Variants in MCM10 observed in about 807,000 individuals in gnomAD.
The protein encoded by MCM10 is protein MCM10 homolog.
MCM10 carries 91 observed loss-of-function variants against 109.9 expected under a neutral mutation model. The ratio of observed to expected loss-of-function variants is 0.83; its 90% CI spans 0.70 to 0.99. MCM10 has a LOEUF of 0.99. MCM10 is among the 50% of genes least tolerant of loss of function. The pLI is 0.00. For synonymous variants in MCM10, 380 were observed against 387.2 expected (o/e 0.98, Z 0.22); for missense variants, 1,077 against 1,061.2 (o/e 1.01, Z -0.21).
rs780736533 is a variant in MCM10 at position 13,197,692 on chromosome 10, A to G, written c.2044A>G (p.Lys682Glu). ...LTKTNPNSIK[K>E]KQKDPQDILE... ...AAAAACAAACCCAAACAGCATTAAG[A>G]AGAAACAAAAGGACCCTCAGGACAT... The change falls in exon 15 of 20, where the codon AAG becomes GAG. Residue 682 changes from lysine to glutamate, a missense_variant. Lys to Glu is a moderately conservative substitution (Grantham distance 56). Transcript: ENST00000378714. 6.2e-7 allele frequency: 1 copy of G among 1,614,146 alleles called. No individual in the cohort carries two copies. The highest frequency in any genetic ancestry group is 1.7e-5 in the Admixed American group (1 of 60,014).
intron 14 of MCM10, among the ~76,000 whole-genome samples, chr10:13,196,714 T>C (rs1337172726): frequency 1.3e-5 from 2 of 151,964 alleles, no homozygotes; most frequent in Non-Finnish European, 2.9e-5. Flanking sequence ...GGTTTCACCA[T>C]GTTGGCCAGG....
chr10:13,174,134 ATTTTT>A (rs139116646), intron 5 of MCM10, among the ~76,000 whole-genome samples: 1 of 75,146 alleles, frequency 1.3e-5, no homozygotes. Context: ...CTAGTTTTGG[ATTTTT>A]TTTTTTTTTT....
chr10:13,190,500 A>G (rs1227771976), intron 10 of MCM10, among the ~76,000 whole-genome samples: 1 of 145,080 alleles, frequency 6.9e-6, no homozygotes, highest in East Asian at 2.0e-4. Context: ...CCTGAGCGAC[A>G]TGGCAAAACC....
At chr10:13,166,657 C>CATATATATATATATATATATATAT in intron 2 of MCM10, among the ~76,000 whole-genome samples, 1 of 19,936 alleles carries the variant, frequency 5.0e-5, no homozygotes, top group African/African-American at 1.5e-4. Context: ...AAAATACATA[C>CATATATATATATATATATATATAT]ATACATATAT....
intron 18 of MCM10, among the ~76,000 whole-genome samples, chr10:13,205,142 T>A (rs1834562632): frequency 6.6e-6 from 1 of 151,534 alleles, no homozygotes; most frequent in African/African-American, 2.4e-5. Flanking sequence ...AGTGTAGCCA[T>A]CACCTGAAAT....
chr10:13,189,446 CT>C (rs1834319099), intron 10 of MCM10, among the ~76,000 whole-genome samples: 1 of 152,158 alleles, frequency 6.6e-6, no homozygotes, highest in Non-Finnish European at 1.5e-5. Context: ...CCTCAGCCTC[CT>C]GAGTAGCTGG....
chr10:13,195,262 C>T lies in MCM10; in HGVS notation c.1967C>T (p.Ala656Val). The change falls in exon 14 of 20, where the codon GCC (alanine) becomes GTC (valine). Residue 656 changes from alanine (A) to valine (V), a missense_variant. Physicochemically the swap from Ala to Val is moderately conservative, Grantham distance 64 (BLOSUM62 0). Transcript: ENST00000378714. ...PRPKLSALAE[A>V]KKLAAITKLR... ...CCAAAACTGAGTGCTTTAGCAGAAG[C>T]CAAAAAGGTAACTGGCATCTCTTCT... The T allele has an allele frequency of 6.3e-7, 1 of 1,595,264 alleles. No individual in the cohort carries two copies. The highest frequency in any genetic ancestry group is 8.6e-7 in the Non-Finnish European group (1 of 1,169,552).
At chr10:13,186,354 C>A in intron 9 of MCM10, 74 bp downstream of exon 9, 2 of 964,782 alleles carry the variant, frequency 2.1e-6, no homozygotes, top group Non-Finnish European at 3.2e-6. Context: ...GGTGCTTTAG[C>A]TGTGATGACC....
At chr10:13,177,508 C>CTTTT (rs60316855) in intron 6 of MCM10, among the ~76,000 whole-genome samples, 7 of 105,266 alleles carry the variant, frequency 6.6e-5, no homozygotes, top group Admixed American at 1.1e-4. Flanking sequence ...GATTTTGGAG[C>CTTTT]TTTTTTTTTT....
At chr10:13,183,297 A>C (rs1424251941) in intron 8 of MCM10, among the ~76,000 whole-genome samples, 197 bp downstream of exon 8, 1 of 152,180 alleles carries the variant, frequency 6.6e-6, no homozygotes, top group East Asian at 1.9e-4. Context: ...ATCTCTACAA[A>C]AAATGTAAAA....
intron 5 of MCM10, among the ~76,000 whole-genome samples, chr10:13,174,927 G>A (rs750162405): frequency 2.0e-5 from 3 of 152,090 alleles, no homozygotes; most frequent in Admixed American, 1.3e-4. Context: ...TCGGGAGTTC[G>A]AGACCAGCCT....
chr10:13,174,508 T>C (rs980367332), intron 5 of MCM10, among the ~76,000 whole-genome samples: 1 of 152,224 alleles, frequency 6.6e-6, no homozygotes, highest in African/African-American at 2.4e-5. Flanking sequence ...GTGCTCTGTA[T>C]CTTGATGAAT....
chr10:13,164,352 C>T (rs1405198736), intron 2 of MCM10, 143 bp downstream of exon 2: 25 of 636,640 alleles, frequency 3.9e-5, no homozygotes, highest in Non-Finnish European at 5.7e-5. Flanking sequence ...AGCAATCTCA[C>T]ATCTCACAGA....
chr10:13,199,820 A>C (rs1425170340), intron 16 of MCM10, among the ~76,000 whole-genome samples: 1 of 152,100 alleles, frequency 6.6e-6, no homozygotes, highest in Non-Finnish European at 1.5e-5. Flanking sequence ...AATAGCATGG[A>C]CCTATTTCTT....
chr10:13,175,203 G>A (rs10906318), intron 5 of MCM10, among the ~76,000 whole-genome samples: 3,715 of 152,218 alleles, frequency 0.024, 71 homozygotes, highest in South Asian at 0.093. Context: ...GGAGGCCTAG[G>A]TGGGTGGATT....
intron 14 of MCM10, among the ~76,000 whole-genome samples, chr10:13,196,576 G>A (rs541474328): frequency 4.0e-5 from 6 of 151,812 alleles, no homozygotes; most frequent in East Asian, 3.9e-4. Context: ...ACAGTAGTCC[G>A]ATCTCGCCTC....
intron 9 of MCM10, among the ~76,000 whole-genome samples, chr10:13,186,753 A>C (rs1834279587): frequency 6.6e-6 from 1 of 152,130 alleles, no homozygotes; most frequent in South Asian, 2.1e-4. Context: ...GCACTTCGGG[A>C]GGTCGAGGCG....
chr10:13,182,124 T>C lies in MCM10; in HGVS notation c.931-809T>C, dbSNP rs1312618052. Among the ~76,000 whole-genome samples, 2 of 152,188 alleles carry C rather than the reference T, an allele frequency of 1.3e-5. No homozygotes were observed. The highest frequency in any genetic ancestry group is 3.8e-4 in the East Asian group (2 of 5,204). On this transcript the variant is annotated intron_variant, in intron 7 of 19. Coordinates refer to ENST00000378714, the MANE Select transcript of MCM10 (RefSeq NM_018518.5). This position sits in a 1 kb window ranked among gnomAD's most constrained non-coding sequence, Gnocchi z 4.2. ...AACCAGTTTTCTTGAAATGATGCTT[T>C]TGTAAGCTAAGCAGAGATGTAATAG... is the stretch of plus-strand genomic sequence containing the variant.
intron 2 of MCM10, among the ~76,000 whole-genome samples, chr10:13,169,564 C>T (rs934756730): frequency 6.6e-6 from 1 of 152,090 alleles, no homozygotes; most frequent in African/African-American, 2.4e-5. Flanking sequence ...GACGGATACA[C>T]GATTACAGCG....
Sources: allele counts gnomAD v4.1 joint callset (sites outside exome capture counted in the v4.1 genomes callset), GRCh38; gene constraint gnomAD v4.1.1; non-coding constraint Gnocchi (gnomAD v3.1); transcripts MANE v1.5; gene names NCBI Gene and HGNC (gene_info 2026-07-23, HGNC 2026-07-21).